MCC: variants seen among roughly 807,000 people sequenced by gnomAD.
The protein encoded by MCC is colorectal mutant cancer protein.
A neutral mutation model predicts 116.2 loss-of-function variants in MCC; 90 were observed. That is an observed-to-expected ratio of 0.77 (90% CI 0.65 to 0.92). MCC has a LOEUF of 0.92. Among genes scored for constraint, MCC ranks in the 40% least tolerant of loss-of-function variants. The pLI, the probability that MCC is intolerant of heterozygous loss-of-function variation, is 0.00. For synonymous variants in MCC, 578 were observed against 510.5 expected, an observed-to-expected ratio of 1.13 and a Z score of -1.78; for missense variants, 1,516 against 1,312.2, an observed-to-expected ratio of 1.16 and a Z score of -2.40.
chr5:113,299,353 GGCTTCTTGCATT>G (rs1766797646), intron 3 of MCC, among the ~76,000 whole-genome samples: 1 of 138,026 alleles, frequency 7.2e-6, no homozygotes, highest in African/African-American at 2.6e-5. Flanking sequence ...AAAAGAGTAG[GGCTTCTTGCATT>G]GAGGGAGTCT....
intron 1 of MCC, among the ~76,000 whole-genome samples, chr5:113,443,179 G>A (rs920482732): frequency 6.6e-6 from 1 of 152,104 alleles, no homozygotes; most frequent in East Asian, 1.9e-4. Flanking sequence ...TCCTTGAGTG[G>A]TGGTTTGTAG....
At chr5:113,096,431 C>T (rs935954011) in intron 8 of MCC, among the ~76,000 whole-genome samples, 1 of 152,244 alleles carries the variant, frequency 6.6e-6, no homozygotes, top group Non-Finnish European at 1.5e-5. Context: ...TTCTGACACA[C>T]ACGTGTGGGG....
intron 3 of MCC, among the ~76,000 whole-genome samples, chr5:113,166,389 G>T (rs1434260596): frequency 2.0e-5 from 3 of 152,142 alleles, no homozygotes; most frequent in Non-Finnish European, 4.4e-5. Context: ...ATTAGGCATG[G>T]GACCAAGTAC....
intron 3 of MCC, among the ~76,000 whole-genome samples, chr5:113,251,797 G>C (rs1408498313): frequency 6.6e-6 from 1 of 152,152 alleles, no homozygotes; most frequent in Non-Finnish European, 1.5e-5. Flanking sequence ...TTTCCAGTTT[G>C]CTATCTCTCC....
intron 3 of MCC, among the ~76,000 whole-genome samples, chr5:113,280,395 C>T (rs1766000303): frequency 6.6e-6 from 1 of 152,160 alleles, no homozygotes; most frequent in African/African-American, 2.4e-5. Flanking sequence ...TTCTGTCAAG[C>T]ACACTGCAAC....
intron 1 of MCC, among the ~76,000 whole-genome samples, chr5:113,459,187 T>TG (rs11346570): frequency 3.9e-4 from 32 of 82,262 alleles, no homozygotes; most frequent in Non-Finnish European, 6.5e-4. Flanking sequence ...GTGAAGTGGG[T>TG]GGGGGGGGGA....
chr5:113,196,142 G>GATATACCTATGGGTGAGATACCGTAAGTA (rs1400376729), intron 3 of MCC, among the ~76,000 whole-genome samples: 2 of 152,200 alleles, frequency 1.3e-5, no homozygotes, highest in African/African-American at 4.8e-5. Flanking sequence ...TTCTATTGGT[G>GATATACCTATGGGTGAGATACCGTAAGTA]ATATACCTAT....
chr5:113,226,857 C>T (rs147231928), intron 3 of MCC, among the ~76,000 whole-genome samples: 2 of 152,254 alleles, frequency 1.3e-5, no homozygotes, highest in Non-Finnish European at 2.9e-5. Context: ...GGCCTGAGTT[C>T]AAACTCTGTT....
intron 1 of MCC, among the ~76,000 whole-genome samples, chr5:113,411,775 A>C (rs1769999552): frequency 6.6e-6 from 1 of 152,152 alleles, no homozygotes; most frequent in South Asian, 2.1e-4. Flanking sequence ...CTTTAGTTTA[A>C]TTAGATCCCA....
chr5:113,376,048 G>C (rs557986044), intron 2 of MCC, among the ~76,000 whole-genome samples: 9 of 152,132 alleles, frequency 5.9e-5, no homozygotes, highest in Middle Eastern at 3.4e-3. Flanking sequence ...ATTTCATCCA[G>C]CTTGAGACTA....
At chr5:113,426,839 G>T (rs959284618) in intron 1 of MCC, among the ~76,000 whole-genome samples, 4 of 152,128 alleles carry the variant, frequency 2.6e-5, no homozygotes, top group Non-Finnish European at 4.4e-5. Context: ...TAATATTTCA[G>T]AAACTTAAAA....
At chr5:113,293,929 C>A (rs892142006) in intron 3 of MCC, among the ~76,000 whole-genome samples, 9 of 152,088 alleles carry the variant, frequency 5.9e-5, no homozygotes, top group Non-Finnish European at 1.2e-4. Flanking sequence ...CACCACCACC[C>A]CCACCAAATT....
At chr5:113,477,869 T>A (rs182988) in intron 1 of MCC, among the ~76,000 whole-genome samples, 132,484 of 152,202 alleles carry the variant, frequency 0.87, 57,891 homozygotes, top group East Asian at 0.97. Flanking sequence ...CGAACAAGTT[T>A]ATATATCTGG....
intron 1 of MCC, among the ~76,000 whole-genome samples, chr5:113,386,904 C>G (rs1769273713): frequency 6.6e-6 from 1 of 151,808 alleles, no homozygotes; most frequent in Admixed American, 6.6e-5. Flanking sequence ...AATATTAGTC[C>G]TAATTTTTCA....
intron 3 of MCC, among the ~76,000 whole-genome samples, chr5:113,243,782 A>G (rs750718856): frequency 6.6e-6 from 1 of 152,222 alleles, no homozygotes; most frequent in African/African-American, 2.4e-5. Flanking sequence ...GCTCTGGGAC[A>G]CACCTCTCAG....
chr5:113,382,227 A>G (rs1198260958), intron 2 of MCC, among the ~76,000 whole-genome samples: 2 of 151,992 alleles, frequency 1.3e-5, no homozygotes, highest in Non-Finnish European at 2.9e-5. Context: ...TATAGAAAAG[A>G]GAAGGACTAA....
At chr5:113,073,831 A>G (rs998081708) in intron 11 of MCC, among the ~76,000 whole-genome samples, 1 of 152,086 alleles carries the variant, frequency 6.6e-6, no homozygotes, top group African/African-American at 2.4e-5. Context: ...AGGTTGGGGG[A>G]CGGGCGTCCG....
chr5:113,179,184 T>G (rs1389266063), intron 3 of MCC, among the ~76,000 whole-genome samples: 1 of 152,186 alleles, frequency 6.6e-6, no homozygotes, highest in Non-Finnish European at 1.5e-5. Flanking sequence ...ATAAAGCCAG[T>G]GCTCTCTGCT....
chr5:113,250,989 T>C (rs939687982), intron 3 of MCC, among the ~76,000 whole-genome samples: 18 of 152,228 alleles, frequency 1.2e-4, no homozygotes, highest in Non-Finnish European at 2.2e-4. Flanking sequence ...GATTTATACC[T>C]TTTCCTTACT....
Sources: gnomAD v4.1 joint callset for allele counts (sites outside exome capture counted in the v4.1 genomes callset) on GRCh38, gnomAD v4.1.1 for gene constraint, MANE v1.5 for transcripts, NCBI Gene and HGNC (gene_info 2026-07-23, HGNC 2026-07-21) for gene names.